Variants in GABPB1 observed in about 807,000 individuals in gnomAD.
GABPB1 encodes GA binding protein transcription factor subunit beta 1.
A neutral mutation model predicts 45.9 loss-of-function variants in GABPB1; 15 were observed. The ratio of observed to expected loss-of-function variants is 0.33; its 90% confidence interval spans 0.22 to 0.50. The LOEUF is 0.50. Among genes scored for constraint, GABPB1 ranks in the 20% least tolerant of loss-of-function variants. The pLI is 0.98. For synonymous variants in GABPB1, 143 were observed against 154.4 expected (o/e 0.93, Z 0.55); for missense variants, 252 against 457.5 (o/e 0.55, Z 4.10).
In GABPB1 at chr15:50,278,591, T is replaced by C; in HGVS notation, c.*41A>G. On this transcript the variant is annotated 3_prime_UTR_variant, in exon 9 of 9. Coordinates refer to ENST00000380877, the MANE Select transcript of GABPB1 (RefSeq NM_016654.5). ...TGTGTACAGTTCAAGATTGTATTCT[T>C]TCTTGACCAAAAGTAAAATCAAACT... The C allele has an allele frequency of 6.4e-7, 1 of 1,574,758 alleles. No individual in the cohort carries two copies. The highest frequency in any genetic ancestry group is 8.7e-7 in the Non-Finnish European group (1 of 1,150,100).
chr15:50,330,508 G>A (rs1289111939), intron 1 of GABPB1, among the ~76,000 whole-genome samples: 3 of 152,088 alleles, frequency 2.0e-5, no homozygotes, highest in Admixed American at 6.6e-5. Context: ...ACAGTCATCC[G>A]ATTTTAAACA....
rs144332132 is a variant in GABPB1 at position 50,345,460 on chromosome 15, G to A, written c.-1+9525C>T. The stretch of plus-strand genomic sequence containing the variant: ...CACATGCGTGTAGTCCCAGCTACTC[G>A]GGAAACTGAGGTAGGAGGATCACCT... On this transcript the variant is annotated intron_variant, in intron 1 of 8. Coordinates refer to ENST00000380877, the MANE Select transcript of GABPB1 (RefSeq NM_016654.5). Among the ~76,000 whole-genome samples, 345 of 152,160 alleles carry A rather than the reference G, an allele frequency of 2.3e-3. 2 individuals carry two copies. Among genetic ancestry groups the A allele is most frequent in the Admixed American group, 0.016 (237 of 15,268 alleles).
chr15:50,285,769 GTAAGAATGGTGTGTGTAAGTTTAAAACA>G, intron 8 of GABPB1: 1 of 1,136,032 alleles, frequency 8.8e-7, no homozygotes, highest in Non-Finnish European at 1.1e-6. Context: ...TTAGTGACGT[GTAAGAATGGTGTGTGTAAGTTTAAAACA>G]TAAAGGATGA....
intron 1 of GABPB1, among the ~76,000 whole-genome samples, chr15:50,318,279 G>A (rs1304901942): frequency 6.6e-6 from 1 of 152,108 alleles, no homozygotes; most frequent in African/African-American, 2.4e-5. Flanking sequence ...GGAATCTGCT[G>A]GGATATAAAG....
At chr15:50,342,770 T>C (rs1166436076) in intron 1 of GABPB1, among the ~76,000 whole-genome samples, 4 of 152,266 alleles carry the variant, frequency 2.6e-5, no homozygotes, top group African/African-American at 9.6e-5. Flanking sequence ...ATATTTTTTA[T>C]TGGGAGTCAG....
chr15:50,321,111 T>C (rs1011934596), intron 1 of GABPB1, among the ~76,000 whole-genome samples: 2 of 152,190 alleles, frequency 1.3e-5, no homozygotes, highest in Non-Finnish European at 2.9e-5. Context: ...AATTATATGA[T>C]CCTGTTTTAA....
chr15:50,348,595 G>A (rs961649214), intron 1 of GABPB1, among the ~76,000 whole-genome samples: 1 of 151,378 alleles, frequency 6.6e-6, no homozygotes, highest in African/African-American at 2.4e-5. Context: ...TGGGCACAGT[G>A]GCTCACACCT....
At chr15:50,354,175 G>A in intron 1 of GABPB1, 1 of 338,122 alleles carries the variant, frequency 3.0e-6, no homozygotes, top group Non-Finnish European at 5.8e-6. Flanking sequence ...AACACACAGT[G>A]ATGAACTGTG....
chr15:50,312,806 T>A (rs2047176668), intron 1 of GABPB1, among the ~76,000 whole-genome samples: 1 of 152,232 alleles, frequency 6.6e-6, no homozygotes, highest in Admixed American at 6.5e-5. Flanking sequence ...TATCTGAGTA[T>A]CTTTTGTGAA....
At chr15:50,289,772 C>CTTTTTTAT in intron 6 of GABPB1, 104 bp from the exon 7 acceptor site, 1 of 749,944 alleles carries the variant, frequency 1.3e-6, no homozygotes, top group Non-Finnish European at 2.0e-6. Flanking sequence ...TCTTTCTTTT[C>CTTTTTTAT]TTTTTTCTTT....
intron 8 of GABPB1, among the ~76,000 whole-genome samples, chr15:50,284,129 A>C (rs61086221): frequency 0.039 from 5,953 of 152,186 alleles, 225 homozygotes; most frequent in East Asian, 0.2. Flanking sequence ...TAGGAGTATA[A>C]AAGTCTCCCC....
intron 1 of GABPB1, among the ~76,000 whole-genome samples, chr15:50,311,100 A>G (rs2047118541): frequency 6.6e-6 from 1 of 152,168 alleles, no homozygotes; most frequent in African/African-American, 2.4e-5. Context: ...GTCTTCTTGA[A>G]TAAGAAATAT....
intron 1 of GABPB1, among the ~76,000 whole-genome samples, chr15:50,336,953 G>T (rs895929545): frequency 2.7e-4 from 41 of 151,152 alleles, no homozygotes; most frequent in African/African-American, 9.9e-4. Flanking sequence ...GCTGAAGTGG[G>T]AGGATCACTT....
chr15:50,314,695 G>A (rs923687281), intron 1 of GABPB1: 2 of 152,194 alleles, frequency 1.3e-5, no homozygotes, highest in Non-Finnish European at 2.9e-5. Flanking sequence ...ATTGTCACAT[G>A]TTCTAGATAA....
Position 50,321,659 on chromosome 15 carries a change from G to A in GABPB1, c.1-11861C>T, listed in dbSNP as rs574487572. Reference sequence around the variant, plus strand: ...AGAGGTTGCAGCGAGCCGAGATTCCGCCATTGCACTCCAGCCTGGGCAATA... The same window carrying A: ...AGAGGTTGCAGCGAGCCGAGATTCCACCATTGCACTCCAGCCTGGGCAATA... On this transcript the variant is annotated intron_variant, in intron 1 of 8. Coordinates refer to ENST00000380877, the MANE Select transcript of GABPB1 (RefSeq NM_016654.5). Among the ~76,000 whole-genome samples, 7 of 146,758 alleles carry A rather than the reference G, an allele frequency of 4.8e-5. No individual in the cohort carries two copies. In the South Asian group the frequency reaches 8.6e-4, roughly 18 times the overall value.
At chr15:50,297,680 C>T (rs1430610749) in intron 6 of GABPB1, among the ~76,000 whole-genome samples, 1 of 151,972 alleles carries the variant, frequency 6.6e-6, no homozygotes, top group Non-Finnish European at 1.5e-5. Flanking sequence ...ACTAAAAATA[C>T]AAAAATTGGC....
intron 1 of GABPB1, among the ~76,000 whole-genome samples, chr15:50,340,437 A>G (rs1039842075): frequency 6.6e-6 from 1 of 151,840 alleles, no homozygotes; most frequent in Admixed American, 6.6e-5. Context: ...CCTCAATGGA[A>G]GTATTTACAC....
intron 1 of GABPB1, chr15:50,354,154 G>A (rs2048980002): frequency 3.2e-6 from 1 of 311,990 alleles, no homozygotes; most frequent in Non-Finnish European, 6.3e-6. Context: ...GAGCTTCACC[G>A]AAACACACTA....
chr15:50,346,240 T>G (rs1188891425), intron 1 of GABPB1: 4 of 152,182 alleles, frequency 2.6e-5, no homozygotes, highest in African/African-American at 9.7e-5. Context: ...TATTAAGAGT[T>G]AAAGAGGAAG....
Sources: allele counts gnomAD v4.1 joint callset (sites outside exome capture counted in the v4.1 genomes callset), GRCh38; gene constraint gnomAD v4.1.1; transcripts MANE v1.5; gene names NCBI Gene and HGNC (gene_info 2026-07-23, HGNC 2026-07-21).